The following PDE11A variants were observed in gnomAD, a reference collection of about 807,000 sequenced individuals.
The protein encoded by PDE11A is phosphodiesterase 11A, also known as dual 3',5'-cyclic-AMP and -GMP phosphodiesterase 11A.
In PDE11A, 100 loss-of-function variants were observed where a neutral mutation model predicts 100.5. The ratio of observed to expected loss-of-function variants is 1.00; its 90% confidence interval spans 0.85 to 1.18. PDE11A has a LOEUF of 1.18. PDE11A is among the 50% of genes most tolerant of loss of function. PDE11A has a pLI of 0.00. For missense variants in PDE11A, 1,141 were observed against 1,152.6 expected (o/e 0.99, Z 0.15); for synonymous variants, 381 against 420.8 (o/e 0.91, Z 1.16).
At chr2:177,988,014 G>T (rs149876588) in intron 2 of PDE11A, among the ~76,000 whole-genome samples, 1 of 152,182 alleles carries the variant, frequency 6.6e-6, no homozygotes, top group Non-Finnish European at 1.5e-5. Context: ...AAGTCACTGA[G>T]TACCACCATT....
At chr2:178,056,508 T>C (rs1337010869) in intron 1 of PDE11A, among the ~76,000 whole-genome samples, 4 of 152,200 alleles carry the variant, frequency 2.6e-5, no homozygotes, top group African/African-American at 9.6e-5. Context: ...CTGTCACTTG[T>C]TCTACTTAGA....
intron 2 of PDE11A, among the ~76,000 whole-genome samples, chr2:177,999,229 A>G (rs2086114415): frequency 6.6e-6 from 1 of 152,230 alleles, no homozygotes; most frequent in African/African-American, 2.4e-5. Context: ...TGTTAAGCCA[A>G]GACTTAAAAA....
intron 2 of PDE11A, among the ~76,000 whole-genome samples, chr2:177,965,762 C>T (rs532869741): frequency 3.9e-5 from 6 of 152,236 alleles, no homozygotes; most frequent in African/African-American, 1.4e-4. Flanking sequence ...GGTTATGCAG[C>T]CTTGTCATAT....
intron 5 of PDE11A, among the ~76,000 whole-genome samples, chr2:177,858,547 T>C (rs2083885890): frequency 6.6e-6 from 1 of 152,184 alleles, no homozygotes; most frequent in Admixed American, 6.5e-5. Flanking sequence ...CACAATGAGA[T>C]ACCATCTCAC....
chr2:177,879,675 T>C (rs1196112866), intron 4 of PDE11A, among the ~76,000 whole-genome samples: 1 of 152,136 alleles, frequency 6.6e-6, no homozygotes, highest in East Asian at 1.9e-4. Flanking sequence ...AAAGATCTTT[T>C]AAAAATATTT....
intron 2 of PDE11A, among the ~76,000 whole-genome samples, chr2:177,961,594 T>C (rs2085633857): frequency 6.6e-6 from 1 of 152,214 alleles, no homozygotes; most frequent in Non-Finnish European, 1.5e-5. Context: ...TTTTAGATCA[T>C]GACCATAATG....
At chr2:177,685,635 G>C (rs1298944117) in intron 15 of PDE11A, among the ~76,000 whole-genome samples, 3 of 151,960 alleles carry the variant, frequency 2.0e-5, no homozygotes, top group Admixed American at 6.6e-5. Flanking sequence ...CTGGTTCTGA[G>C]GCGCAATCTG....
At position 177,644,046 on chromosome 2, in the gene PDE11A, C is replaced by T. The variant is rs147877115; in HGVS notation, c.2647-14484G>A. Among the ~76,000 whole-genome samples the T allele has an allele frequency of 7.2e-4, 110 of 152,340 alleles. No individual in the cohort carries two copies. In the East Asian group the frequency reaches 0.02, roughly 27 times the overall value. ...AGGAAGTCTTCTGCAGGGGTGGGGC[C>T]CTCATGGAGAACCTCTGCTAGGGCA... On this transcript the variant is annotated intron_variant, in intron 19 of 19. Transcript: ENST00000286063.
intron 1 of PDE11A, among the ~76,000 whole-genome samples, chr2:178,067,235 C>T (rs971072974): frequency 1.3e-5 from 2 of 152,100 alleles, no homozygotes; most frequent in Admixed American, 6.5e-5. Context: ...TTGAGCCTCT[C>T]CTTGTTCAAT....
intron 17 of PDE11A, among the ~76,000 whole-genome samples, chr2:177,670,736 T>C (rs749579732): frequency 2.6e-5 from 4 of 152,204 alleles, no homozygotes; most frequent in Non-Finnish European, 5.9e-5. Flanking sequence ...TCACAGATTA[T>C]AGATAAAACT....
At chr2:177,875,952 G>T (rs771916093) in intron 4 of PDE11A, 29 bp from the exon 5 acceptor site, 10 of 1,351,614 alleles carry the variant, frequency 7.4e-6, no homozygotes, top group Non-Finnish European at 1.1e-5. Context: ...ATAAATCCAG[G>T]TCAATTAAAG....
At chr2:177,719,412 A>T (rs545954556) in intron 12 of PDE11A, among the ~76,000 whole-genome samples, 10 of 152,304 alleles carry the variant, frequency 6.6e-5, no homozygotes, top group Non-Finnish European at 1.3e-4. Context: ...ATGTCCAGGC[A>T]CTGCAGCAGA....
intron 19 of PDE11A, among the ~76,000 whole-genome samples, chr2:177,647,121 GTAA>G (rs1483565143): frequency 1.2e-4 from 18 of 152,278 alleles, no homozygotes; most frequent in Admixed American, 5.9e-4. Flanking sequence ...CAGTCACGTG[GTAA>G]TAATCCATTT....
At chr2:178,082,279 T>G (rs897929632) in intron 2 of PDE11A, among the ~76,000 whole-genome samples, 1 of 152,200 alleles carries the variant, frequency 6.6e-6, no homozygotes, top group African/African-American at 2.4e-5. Flanking sequence ...CATAGTAAAC[T>G]CTCAATAAAT....
At chr2:177,678,892 G>C (rs1296330664) in intron 16 of PDE11A, among the ~76,000 whole-genome samples, 1 of 151,942 alleles carries the variant, frequency 6.6e-6, no homozygotes, top group Admixed American at 6.6e-5. Context: ...CATTTGAGAA[G>C]AGATAGTAGT....
intron 4 of PDE11A, among the ~76,000 whole-genome samples, chr2:177,878,770 C>T (rs574706850): frequency 1.3e-5 from 2 of 152,266 alleles, no homozygotes; most frequent in South Asian, 2.1e-4. Context: ...CTTCTCACTG[C>T]TTTAATAAGC....
intron 2 of PDE11A, among the ~76,000 whole-genome samples, chr2:178,004,300 G>A (rs1574335938): frequency 6.6e-6 from 1 of 151,826 alleles, no homozygotes; most frequent in Non-Finnish European, 1.5e-5. Flanking sequence ...ATCCAAGAAA[G>A]GCAGAGATAC....
rs189894555 is a variant in PDE11A, at chr2:177,667,160, C to T, written c.2562+2333G>A. On this transcript the variant is annotated intron_variant, in intron 18 of 19. Coordinates refer to ENST00000286063, the MANE Select transcript of PDE11A (RefSeq NM_016953.4). The stretch of plus-strand genomic sequence containing the variant: ...AACTCCTGACCTCAAGTGATCAGGC[C>T]GCCTCAGCATCCCAAAGCGCTGGGA... Among the ~76,000 whole-genome samples the T allele has an allele frequency of 1.8e-4, 27 of 152,118 alleles. No homozygotes were observed. In the South Asian group the frequency reaches 5.2e-3, roughly 29 times the overall value.
chr2:177,682,701 A>G (rs2080882702), intron 15 of PDE11A, among the ~76,000 whole-genome samples: 1 of 152,066 alleles, frequency 6.6e-6, no homozygotes, highest in South Asian at 2.1e-4. Context: ...TCAAAATGCT[A>G]GACTTAAGAG....
Sources: allele counts gnomAD v4.1 joint callset (sites outside exome capture counted in the v4.1 genomes callset), GRCh38; gene constraint gnomAD v4.1.1; transcripts MANE v1.5; gene names NCBI Gene and HGNC (gene_info 2026-07-23, HGNC 2026-07-21).